TOPBP1: variants seen among roughly 807,000 people sequenced by gnomAD.
The protein encoded by TOPBP1 is DNA topoisomerase 2-binding protein 1.
TOPBP1 carries 28 observed loss-of-function variants against 167.7 expected under a neutral mutation model. The observed-to-expected ratio is 0.17, with a 90% CI of 0.12 to 0.23. The LOEUF is 0.23. TOPBP1 is among the 10% of genes least tolerant of loss of function. The pLI is 1.00. For missense variants in TOPBP1, 1,554 were observed against 1,809.6 expected (o/e 0.86, Z 2.56); for synonymous variants, 598 against 611.4 (o/e 0.98, Z 0.32).
chr3:133,629,681 CT>C (rs1559818256), intron 14 of TOPBP1, among the ~76,000 whole-genome samples: 3 of 152,042 alleles, frequency 2.0e-5, no homozygotes, highest in African/African-American at 2.4e-5. Flanking sequence ...TCAGATTTTT[CT>C]TTTTTGACAA....
chr3:133,625,878 A>G (rs1249095469), intron 16 of TOPBP1, among the ~76,000 whole-genome samples: 1 of 152,204 alleles, frequency 6.6e-6, no homozygotes, highest in Non-Finnish European at 1.5e-5. Flanking sequence ...TCTCAGAATA[A>G]CTGTCTCCCT....
chr3:133,623,665 T>G (rs1316831948), intron 17 of TOPBP1, among the ~76,000 whole-genome samples: 1 of 152,192 alleles, frequency 6.6e-6, no homozygotes, highest in Non-Finnish European at 1.5e-5. Context: ...CACTGAAGTA[T>G]AAAATCTGAA....
intron 27 of TOPBP1, among the ~76,000 whole-genome samples, chr3:133,607,822 T>A (rs533372361): frequency 6.6e-6 from 1 of 152,246 alleles, no homozygotes; most frequent in Non-Finnish European, 1.5e-5. Flanking sequence ...CTAATCAGTA[T>A]GCCCTCTGCT....
chr3:133,630,670 T>C (rs970970013), intron 14 of TOPBP1, among the ~76,000 whole-genome samples: 1 of 152,048 alleles, frequency 6.6e-6, no homozygotes, highest in Non-Finnish European at 1.5e-5. Flanking sequence ...CAATCTTAGT[T>C]CACTGCAACC....
chr3:133,634,790 G>A (rs1935612608), intron 14 of TOPBP1, among the ~76,000 whole-genome samples: 1 of 152,116 alleles, frequency 6.6e-6, no homozygotes, highest in African/African-American at 2.4e-5. Context: ...GTACACGTGT[G>A]TACACACAGA....
At chr3:133,651,320 G>A (rs1490647273) in intron 8 of TOPBP1, among the ~76,000 whole-genome samples, 3 of 151,514 alleles carry the variant, frequency 2.0e-5, no homozygotes, top group African/African-American at 4.8e-5. Context: ...CCAAGCAGCT[G>A]GGATTACAGG....
At chr3:133,624,852 G>A (rs1935214203) in intron 16 of TOPBP1, among the ~76,000 whole-genome samples, 2 of 152,134 alleles carry the variant, frequency 1.3e-5, no homozygotes, top group Non-Finnish European at 2.9e-5. Context: ...TAAGGGACAT[G>A]GTTCAGTACC....
Position 133,618,193 on chromosome 3 carries a change from A to G in TOPBP1, c.3592+20T>C. 6.3e-7 allele frequency: 1 copy of G among 1,588,808 alleles called. No individual in the cohort carries two copies. Among genetic ancestry groups the G allele is most frequent in the Non-Finnish European group, 8.6e-7 (1 of 1,157,478 alleles). On this transcript the variant is annotated intron_variant, in intron 21 of 27. Transcript: ENST00000260810. The stretch of plus-strand genomic sequence containing the variant: ...ACATGTACTTAATACAAACAAATGC[A>G]AAGATTTCTTTCTTGTTACCCTGTT...
chr3:133,603,519 T>C (rs542978475), intron 27 of TOPBP1, among the ~76,000 whole-genome samples: 3 of 152,098 alleles, frequency 2.0e-5, no homozygotes, highest in South Asian at 2.1e-4. Context: ...TTAAAAACCA[T>C]GCAAAGAGAT....
chr3:133,611,618 TA>T (rs1272171708), intron 24 of TOPBP1, among the ~76,000 whole-genome samples: 1 of 152,220 alleles, frequency 6.6e-6, no homozygotes, highest in African/African-American at 2.4e-5. Context: ...TTAAATCATT[TA>T]AAAAGTGATT....
At chr3:133,637,829 TAAACGGTA>T (rs1205059315) in intron 14 of TOPBP1, 39 bp downstream of exon 14, 2 of 1,583,156 alleles carry the variant, frequency 1.3e-6, no homozygotes, top group Non-Finnish European at 1.7e-6. Context: ...TTTAACTTTA[TAAACGGTA>T]AAACTGTTAA....
intron 10 of TOPBP1, among the ~76,000 whole-genome samples, chr3:133,648,536 G>T (rs773016538): frequency 1.3e-5 from 2 of 152,192 alleles, no homozygotes; most frequent in South Asian, 4.1e-4. Flanking sequence ...AGTGGCTCAC[G>T]CCCGTAATCC....
At chr3:133,602,917 C>CA (rs1478040348) in intron 27 of TOPBP1, among the ~76,000 whole-genome samples, 1 of 126,728 alleles carries the variant, frequency 7.9e-6, no homozygotes, top group Non-Finnish European at 1.6e-5. Context: ...TTTTTTGAGA[C>CA]AGAGTTTCGC....
chr3:133,613,991 C>G (rs1421640493), intron 23 of TOPBP1, among the ~76,000 whole-genome samples: 3 of 151,938 alleles, frequency 2.0e-5, no homozygotes, highest in Non-Finnish European at 4.4e-5. Flanking sequence ...CGGGGTTTCA[C>G]CATGTTTGCC....
intron 2 of TOPBP1, among the ~76,000 whole-genome samples, chr3:133,660,293 G>A (rs1936646052): frequency 6.6e-6 from 1 of 152,098 alleles, no homozygotes; most frequent in Non-Finnish European, 1.5e-5. Context: ...CCCTTAACGT[G>A]TTTTGCTTTT....
intron 23 of TOPBP1, among the ~76,000 whole-genome samples, chr3:133,616,124 T>TTTC (rs1934865621): frequency 2.1e-5 from 3 of 145,278 alleles, no homozygotes; most frequent in Admixed American, 1.4e-4. Context: ...TCTTTTCCCT[T>TTTC]TTTTTTTTTT....
intron 26 of TOPBP1, 35 bp from the exon 27 acceptor site, chr3:133,608,731 A>G (rs1934578112): frequency 1.2e-6 from 2 of 1,607,208 alleles, no homozygotes; most frequent in East Asian, 4.5e-5. Context: ...ACAATCTACC[A>G]GTATTCCAAA....
intron 16 of TOPBP1, among the ~76,000 whole-genome samples, chr3:133,625,152 A>G (rs1029898993): frequency 1.3e-5 from 2 of 152,190 alleles, no homozygotes; most frequent in African/African-American, 4.8e-5. Flanking sequence ...TTTCTAGTAG[A>G]GATGGGTTTT....
chr3:133,612,402 C>T lies in TOPBP1; in HGVS notation c.4022G>A (p.Gly1341Glu). 8.1e-6 allele frequency: 13 copies of T among 1,613,864 alleles called. No homozygotes were observed. Among genetic ancestry groups the T allele is most frequent in the Non-Finnish European group, 1.0e-5 (12 of 1,179,814 alleles). The change falls in exon 24 of 28, where the codon GGA (glycine) becomes GAA (glutamate). Residue 1341 changes from glycine to glutamate, a missense_variant. Around this residue, in one of 3 missense-constraint regions of TOPBP1, gnomAD observed 351 missense variants for 432.9 expected, o/e 0.81. Transcript: ENST00000260810. ...CTGAATACACACCTGCACGAAGTGT[C>T]CAGCAGTCCTGCAGGCTTCAAGGTA... is the stretch of plus-strand genomic sequence containing the variant. ...RSYLEACRTAGHFVQEEDYEW... is the reference protein window; with the variant it reads ...RSYLEACRTAEHFVQEEDYEW...
Sources: gnomAD v4.1 joint callset for allele counts (sites outside exome capture counted in the v4.1 genomes callset) on GRCh38, gnomAD v4.1.1 for gene constraint, gnomAD v4.1.1 regional missense constraint, MANE v1.5 for transcripts, NCBI Gene and HGNC (gene_info 2026-07-23, HGNC 2026-07-21) for gene names.